SEC23B: variants seen among roughly 807,000 people sequenced by gnomAD.
SEC23B encodes the protein SEC23 homolog B, COPII component.
A neutral mutation model predicts 104.3 loss-of-function variants in SEC23B; 77 were observed. That is an observed-to-expected ratio of 0.74 (90% CI 0.61 to 0.89). The LOEUF is 0.89. Among genes scored for constraint, SEC23B ranks in the 40% least tolerant of loss-of-function variants. The pLI is 0.00. For missense variants in SEC23B, 885 were observed against 949.4 expected (o/e 0.93, Z 0.89); for synonymous variants, 338 against 332.5 (o/e 1.02, Z -0.18).
chr20:18,554,898 A>T (rs561552360), intron 18 of SEC23B, among the ~76,000 whole-genome samples: 6 of 152,102 alleles, frequency 3.9e-5, no homozygotes, highest in Admixed American at 1.3e-4. Context: ...TACATATTTT[A>T]TGTTTTAGGA....
Position 18,530,640 on chromosome 20 carries a change from A to G in SEC23B, c.1110-40A>G, listed in dbSNP as rs144013550. 73 of 1,608,114 alleles carry G rather than the reference A, an allele frequency of 4.5e-5. No homozygotes were observed. In the African/African-American group the frequency reaches 7.2e-4, roughly 16 times the overall value. ...TGAGGGAGCATCTGAATGGCTTTCA[A>G]TCTTCCTAATATTCACTTGATTTTT... is the stretch of plus-strand genomic sequence containing the variant. On this transcript the variant is annotated intron_variant, in intron 9 of 19. Coordinates refer to ENST00000650089, the MANE Select transcript of SEC23B (RefSeq NM_006363.6).
intron 4 of SEC23B, among the ~76,000 whole-genome samples, chr20:18,518,256 G>A (rs1158652012): frequency 3.3e-5 from 5 of 152,310 alleles, no homozygotes; most frequent in South Asian, 4.1e-4. Context: ...TGTGGGAAAG[G>A]CCTCTACCCA....
intron 16 of SEC23B, among the ~76,000 whole-genome samples, chr20:18,550,140 T>C (rs2060374279): frequency 7.8e-6 from 1 of 127,856 alleles, no homozygotes; most frequent in African/African-American, 2.9e-5. Flanking sequence ...TAATATAAAA[T>C]ATTACTTACA....
In SEC23B at chr20:18,543,071, G is replaced by A; in HGVS notation, c.1564G>A (p.Glu522Lys). Residue 522 changes from glutamate to lysine, a missense_variant, in exon 14 of 20, where the codon GAG becomes AAG. By Grantham distance (56) the Glu-to-Lys change is moderately conservative (BLOSUM62 1). Transcript: ENST00000650089. ...GCACATAGAAGCAGCATTTGACCAGGAGGCTGCGGCAGTGTTGATGGCACG... is the reference window on the plus strand; with the variant it reads ...GCACATAGAAGCAGCATTTGACCAGAAGGCTGCGGCAGTGTTGATGGCACG... ...LRHIEAAFDQ[E>K]AAAVLMARLG... 6.2e-7 allele frequency: 1 copy of A among 1,614,182 alleles called. No individual in the cohort carries two copies. The highest frequency in any genetic ancestry group is 8.5e-7 in the Non-Finnish European group (1 of 1,180,038).
intron 12 of SEC23B, among the ~76,000 whole-genome samples, chr20:18,537,565 A>T (rs145738048): frequency 6.6e-6 from 1 of 152,024 alleles, no homozygotes; most frequent in East Asian, 1.9e-4. Flanking sequence ...GAAGGGGAAC[A>T]TCACACTCTG....
chr20:18,541,954 A>T (rs958506009), intron 12 of SEC23B, among the ~76,000 whole-genome samples: 3 of 152,226 alleles, frequency 2.0e-5, no homozygotes, highest in African/African-American at 7.2e-5. Context: ...TCCGTCACAA[A>T]CTGGATAATT....
intron 4 of SEC23B, among the ~76,000 whole-genome samples, chr20:18,519,042 G>A (rs902176459): frequency 2.6e-5 from 4 of 152,158 alleles, no homozygotes; most frequent in African/African-American, 4.8e-5. Flanking sequence ...TAGTGGAGCC[G>A]GGCAGAGTGG....
chr20:18,528,743 C>T (rs4814756), intron 9 of SEC23B, among the ~76,000 whole-genome samples: 3 of 152,216 alleles, frequency 2.0e-5, no homozygotes, highest in African/African-American at 7.2e-5. Context: ...ATTCCTACCA[C>T]GGCCTTCCAG....
intron 12 of SEC23B, among the ~76,000 whole-genome samples, chr20:18,539,919 C>T (rs988951691): frequency 1.3e-5 from 2 of 152,198 alleles, no homozygotes; most frequent in African/African-American, 2.4e-5. Context: ...GCTGGGATTA[C>T]AGGCGTAAGC....
At chr20:18,535,069 T>C (rs911252771) in intron 11 of SEC23B, among the ~76,000 whole-genome samples, 1 of 152,174 alleles carries the variant, frequency 6.6e-6, no homozygotes, top group African/African-American at 2.4e-5. Flanking sequence ...GAGTGCACCC[T>C]CTCCGCTCTC....
Position 18,554,356 on chromosome 20 carries a change from CACGTT to C in SEC23B, c.2117_2121del (p.Arg706HisfsTer25). On this transcript the variant is annotated frameshift_variant, in exon 18 of 20. Coordinates refer to ENST00000650089, the MANE Select transcript of SEC23B (RefSeq NM_006363.6). LOFTEE classifies it high-confidence loss of function. ...ATTCTGCAAGCACGCTTCCCGATGC[CACGTT>C]ACATCAACACGGAGCATGGAGGCAG... 1 of 1,614,168 alleles carries C rather than the reference CACGTT, an allele frequency of 6.2e-7. No individual in the cohort carries two copies. Among genetic ancestry groups the C allele is most frequent in the Non-Finnish European group, 8.5e-7 (1 of 1,180,044 alleles).
At chr20:18,558,180 GC>G (rs931871683) in intron 19 of SEC23B, among the ~76,000 whole-genome samples, 6 of 152,258 alleles carry the variant, frequency 3.9e-5, no homozygotes, top group African/African-American at 1.2e-4. Flanking sequence ...CTGACTAACA[GC>G]CCTTTTCTTT....
intron 15 of SEC23B, 128 bp downstream of exon 15, chr20:18,546,161 C>G: frequency 3.0e-6 from 2 of 672,566 alleles, no homozygotes; most frequent in Non-Finnish European, 5.3e-6. Context: ...AGAGATTGTT[C>G]AACCCAAGTC....
At chr20:18,527,141 T>C (rs774338822) in intron 8 of SEC23B, among the ~76,000 whole-genome samples, 1 of 152,170 alleles carries the variant, frequency 6.6e-6, no homozygotes, top group Non-Finnish European at 1.5e-5. Flanking sequence ...CCGTTGAACC[T>C]GGGAGGCAGA....
At chr20:18,537,564 C>T (rs572645475) in intron 12 of SEC23B, among the ~76,000 whole-genome samples, 32 of 151,666 alleles carry the variant, frequency 2.1e-4, no homozygotes, top group Admixed American at 1.8e-3. Flanking sequence ...GGAAGGGGAA[C>T]ATCACACTCT....
chr20:18,526,872 G>T (rs1049295426), intron 8 of SEC23B, among the ~76,000 whole-genome samples: 9 of 152,156 alleles, frequency 5.9e-5, no homozygotes, highest in Non-Finnish European at 1.2e-4. Context: ...TTCAGGTCAG[G>T]AGTTCAAGAC....
intron 18 of SEC23B, 59 bp from the exon 19 acceptor site, chr20:18,555,049 C>A: frequency 6.8e-7 from 1 of 1,474,012 alleles, no homozygotes; most frequent in Middle Eastern, 1.7e-4. Context: ...TTTTCTGTTA[C>A]ATTAATATTA....
At chr20:18,560,026 A>T (rs2060477441) in intron 19 of SEC23B, among the ~76,000 whole-genome samples, 1 of 151,766 alleles carries the variant, frequency 6.6e-6, no homozygotes, top group Non-Finnish European at 1.5e-5. Flanking sequence ...AAATAAGAAA[A>T]TTTAAATTAC....
At chr20:18,547,943 A>T (rs28442887) in intron 15 of SEC23B, among the ~76,000 whole-genome samples, 6 of 151,906 alleles carry the variant, frequency 3.9e-5, no homozygotes, top group African/African-American at 1.5e-4. Flanking sequence ...GTATTTTTTT[A>T]AAAATTTTTA....
Sources: gnomAD v4.1 joint callset for allele counts (sites outside exome capture counted in the v4.1 genomes callset) on GRCh38, gnomAD v4.1.1 for gene constraint, MANE v1.5 for transcripts, NCBI Gene and HGNC (gene_info 2026-07-23, HGNC 2026-07-21) for gene names.